The following PLXNA4 variants were observed in gnomAD, a reference collection of about 807,000 sequenced individuals.
PLXNA4 encodes plexin A4, also known as plexin-A4.
A neutral mutation model predicts 191.8 loss-of-function variants in PLXNA4; 44 were observed. The ratio of observed to expected loss-of-function variants is 0.23; its 90% CI spans 0.18 to 0.29. The LOEUF (loss-of-function observed/expected upper bound fraction) is 0.29. PLXNA4 is among the 10% of genes least tolerant of loss of function. The pLI is 1.00. For synonymous variants in PLXNA4, 1,082 were observed against 1,009.5 expected (o/e 1.07, Z -1.36); for missense variants, 1,800 against 2,488.8 (o/e 0.72, Z 5.89).
intron 3 of PLXNA4, among the ~76,000 whole-genome samples, chr7:132,456,090 C>T (rs189565843): frequency 6.6e-6 from 1 of 151,718 alleles, no homozygotes; most frequent in East Asian, 1.9e-4. Context: ...TTTGGGGGTC[C>T]CTCTTCGCAT....
At chr7:132,636,282 C>T (rs1386504314) in intron 2 of PLXNA4, among the ~76,000 whole-genome samples, 1 of 152,170 alleles carries the variant, frequency 6.6e-6, no homozygotes, top group Non-Finnish European at 1.5e-5. Flanking sequence ...GAATTGGGGA[C>T]CACAAGAAAC....
intron 2 of PLXNA4, among the ~76,000 whole-genome samples, chr7:132,639,532 GC>G (rs1803674341): frequency 6.6e-6 from 1 of 151,970 alleles, no homozygotes; most frequent in Non-Finnish European, 1.5e-5. Context: ...AGAACCATGC[GC>G]CCCCACAATC....
chr7:132,191,703 G>T (rs1411739818), intron 14 of PLXNA4, among the ~76,000 whole-genome samples: 1 of 151,406 alleles, frequency 6.6e-6, no homozygotes, highest in Non-Finnish European at 1.5e-5. Flanking sequence ...TGGCTGCCAG[G>T]AAATTTCAAA....
chr7:132,494,611 G>T (rs1316242544), intron 2 of PLXNA4, among the ~76,000 whole-genome samples: 1 of 152,164 alleles, frequency 6.6e-6, no homozygotes, highest in Non-Finnish European at 1.5e-5. Context: ...GTGGTGTGGG[G>T]AGCTGGAGCT....
intron 3 of PLXNA4, among the ~76,000 whole-genome samples, chr7:132,396,217 C>T (rs529776928): frequency 2.6e-5 from 4 of 152,272 alleles, no homozygotes; most frequent in East Asian, 1.9e-4. Flanking sequence ...GAAGAGTATG[C>T]CATGCTTTGA....
At chr7:132,163,710 G>A (rs1481059519) in intron 24 of PLXNA4, among the ~76,000 whole-genome samples, 1 of 152,212 alleles carries the variant, frequency 6.6e-6, no homozygotes, top group Non-Finnish European at 1.5e-5. Context: ...TTTGAACTTA[G>A]AGCAGAAGGC....
At chr7:132,573,057 C>T (rs1376373844) in intron 1 of PLXNA4, among the ~76,000 whole-genome samples, 8 of 142,104 alleles carry the variant, frequency 5.6e-5, no homozygotes, top group African/African-American at 1.9e-4. Context: ...GCGCACAAAG[C>T]CAAGAGGTAG....
At chr7:132,418,248 A>C (rs1392187529) in intron 3 of PLXNA4, among the ~76,000 whole-genome samples, 1 of 152,206 alleles carries the variant, frequency 6.6e-6, no homozygotes, top group Non-Finnish European at 1.5e-5. Flanking sequence ...TCTCCTCTCC[A>C]TCCATCAAAG....
chr7:132,599,783 G>A (rs73446895), intron 2 of PLXNA4, among the ~76,000 whole-genome samples: 12,235 of 151,044 alleles, frequency 0.081, 1,091 homozygotes, highest in African/African-American at 0.22. Flanking sequence ...AGGTAAATAC[G>A]TCCAAATTTT....
At chr7:132,309,194 G>A (rs1253834559) in intron 3 of PLXNA4, among the ~76,000 whole-genome samples, 1 of 152,158 alleles carries the variant, frequency 6.6e-6, no homozygotes, top group African/African-American at 2.4e-5. Flanking sequence ...GAAAGCCAAC[G>A]ACTTTATGGA....
intron 2 of PLXNA4, among the ~76,000 whole-genome samples, chr7:132,603,101 C>T (rs1802851263): frequency 6.6e-6 from 1 of 152,166 alleles, no homozygotes; most frequent in East Asian, 1.9e-4. Context: ...TCCCTATTTT[C>T]CTTCCTTTCC....
chr7:132,127,049 C>G lies in PLXNA4; in HGVS notation c.*3430G>C, dbSNP rs559917011. ...ACTTGTGGCCAGGAGAAATGACCAG[C>G]CTACCACTCTGTTTCTTGTCTTCCT... On this transcript the variant is annotated 3_prime_UTR_variant, in exon 32 of 32. Transcript: ENST00000321063. The G allele has an allele frequency of 1.3e-5, 2 of 152,326 alleles. No homozygotes were observed. The highest frequency in any genetic ancestry group is 4.8e-5 in the African/African-American group (2 of 41,552). 9.4% of individuals were successfully genotyped at this position (152,326 alleles called of 1,614,324 possible). A position where few individuals can be genotyped will look rare whatever the true frequency, so the allele number is the denominator to read the frequency against.
At chr7:132,615,326 G>C (rs77156685) in intron 2 of PLXNA4, among the ~76,000 whole-genome samples, 2,824 of 152,208 alleles carry the variant, frequency 0.019, 78 homozygotes, top group African/African-American at 0.064. Flanking sequence ...GGAAACTGAC[G>C]CCTGTGCAGC....
intron 3 of PLXNA4, among the ~76,000 whole-genome samples, chr7:132,366,672 CA>C (rs1486846016): frequency 6.6e-6 from 1 of 152,138 alleles, no homozygotes; most frequent in Non-Finnish European, 1.5e-5. Flanking sequence ...AGCAAAGGGC[CA>C]TTTAAATTTT....
At chr7:132,372,984 C>T (rs1470132769) in intron 3 of PLXNA4, among the ~76,000 whole-genome samples, 1 of 152,220 alleles carries the variant, frequency 6.6e-6, no homozygotes, top group Non-Finnish European at 1.5e-5. Flanking sequence ...GCTATGCCAA[C>T]TATATAATGC....
At chr7:132,551,875 C>A (rs188602398) in intron 1 of PLXNA4, among the ~76,000 whole-genome samples, 8 of 152,178 alleles carry the variant, frequency 5.3e-5, no homozygotes. Flanking sequence ...TTTTAAAAAG[C>A]GGTGTCACTC....
intron 4 of PLXNA4, among the ~76,000 whole-genome samples, chr7:132,280,296 A>T (rs1250493502): frequency 6.6e-6 from 1 of 152,216 alleles, no homozygotes; most frequent in Non-Finnish European, 1.5e-5. Flanking sequence ...AATAAGGAAG[A>T]AGGTGGGAGA....
intron 9 of PLXNA4, among the ~76,000 whole-genome samples, chr7:132,214,764 G>T (rs1797912750): frequency 1.3e-5 from 2 of 152,128 alleles, no homozygotes; most frequent in Admixed American, 1.3e-4. Flanking sequence ...CAGGAGTCTG[G>T]CTGGGAATCC....
At chr7:132,303,029 A>G (rs920506347) in intron 3 of PLXNA4, among the ~76,000 whole-genome samples, 1 of 151,790 alleles carries the variant, frequency 6.6e-6, no homozygotes, top group African/African-American at 2.4e-5. Context: ...GTCACCTACC[A>G]CCACGCCCAG....
Sources: gnomAD v4.1 joint callset for allele counts (sites outside exome capture counted in the v4.1 genomes callset) on GRCh38, gnomAD v4.1.1 for gene constraint, MANE v1.5 for transcripts, NCBI Gene and HGNC (gene_info 2026-07-23, HGNC 2026-07-21) for gene names.